Variants in EXOC6 observed in about 807,000 individuals in gnomAD.
EXOC6 encodes SEC15-like 1.
In EXOC6, 60 loss-of-function variants were observed where a neutral mutation model predicts 112.5. The ratio of observed to expected loss-of-function variants is 0.53; its 90% CI spans 0.43 to 0.66. EXOC6 has a LOEUF of 0.66. Ranked by LOEUF, EXOC6 falls within the 30% of genes least tolerant of loss-of-function variation. The pLI is 0.00. For synonymous variants in EXOC6, 295 were observed against 308.0 expected (o/e 0.96, Z 0.44); for missense variants, 855 against 957.1 (o/e 0.89, Z 1.41).
In EXOC6 at chr10:92,938,031, T is replaced by C. The variant is rs937876889; in HGVS notation, c.1212+2146T>C. ...AAGCAAGACTTTTTTTCAATATAGG[T>C]AGCAGCATCAATTTGTATTCTGGTG... is the stretch of plus-strand genomic sequence containing the variant. On this transcript the variant is annotated intron_variant, in intron 12 of 21. Transcript: ENST00000260762. Among the ~76,000 whole-genome samples the C allele has an allele frequency of 2.6e-5, 4 of 152,140 alleles. No individual in the cohort carries two copies. In the East Asian group the frequency reaches 7.7e-4, roughly 29 times the overall value.
chr10:92,919,461 A>G (rs529725682), intron 7 of EXOC6, among the ~76,000 whole-genome samples: 1 of 152,296 alleles, frequency 6.6e-6, no homozygotes, highest in South Asian at 2.1e-4. Context: ...ACATTTCAGA[A>G]TATAGGATAC....
At chr10:93,024,701 A>T (rs1158538553) in intron 20 of EXOC6, among the ~76,000 whole-genome samples, 1 of 152,174 alleles carries the variant, frequency 6.6e-6, no homozygotes, top group Admixed American at 6.5e-5. Context: ...TACAGGTGTA[A>T]GCCACCGTGC....
At chr10:92,848,750 C>G in intron 1 of EXOC6, 116 bp downstream of exon 1, 1 of 855,520 alleles carries the variant, frequency 1.2e-6, no homozygotes, top group Non-Finnish European at 1.5e-6. Flanking sequence ...AGGTGGTGCG[C>G]GCGGGGGCGG....
At chr10:92,895,244 G>A (rs996826204) in intron 4 of EXOC6, among the ~76,000 whole-genome samples, 18 of 152,270 alleles carry the variant, frequency 1.2e-4, no homozygotes, top group Non-Finnish European at 2.9e-5. Context: ...TCCTAGAACA[G>A]CAACTTCTAC....
At chr10:92,857,823 ATCAAATGG>A (rs986618822) in intron 1 of EXOC6, among the ~76,000 whole-genome samples, 5 of 151,650 alleles carry the variant, frequency 3.3e-5, no homozygotes, top group Non-Finnish European at 5.9e-5. Flanking sequence ...TCTGTGTGTG[ATCAAATGG>A]TCATCTGAGT....
At chr10:93,011,561 CA>C (rs1844249041) in intron 19 of EXOC6, among the ~76,000 whole-genome samples, 1 of 151,754 alleles carries the variant, frequency 6.6e-6, no homozygotes. Context: ...CATGCCCAGC[CA>C]AAAAAAGTAT....
At chr10:92,973,573 C>A (rs1386417334) in intron 17 of EXOC6, among the ~76,000 whole-genome samples, 1 of 152,202 alleles carries the variant, frequency 6.6e-6, no homozygotes, top group Non-Finnish European at 1.5e-5. Flanking sequence ...TCTTTCTTCT[C>A]AGAGAAATTA....
At chr10:92,905,588 T>C (rs1202629465) in intron 5 of EXOC6, among the ~76,000 whole-genome samples, 1 of 152,080 alleles carries the variant, frequency 6.6e-6, no homozygotes, top group Non-Finnish European at 1.5e-5. Context: ...TTTATTTCAT[T>C]AGCTACTGCT....
intron 19 of EXOC6, among the ~76,000 whole-genome samples, chr10:93,006,236 A>G (rs1018656269): frequency 6.6e-6 from 1 of 152,174 alleles, no homozygotes; most frequent in Non-Finnish European, 1.5e-5. Context: ...TTTAGCGACT[A>G]TGACCTCTAA....
chr10:92,861,682 T>G (rs962781858), intron 1 of EXOC6, among the ~76,000 whole-genome samples: 1 of 152,048 alleles, frequency 6.6e-6, no homozygotes, highest in African/African-American at 2.4e-5. Flanking sequence ...TCACCTGAAC[T>G]GGTGGTTGGG....
At chr10:92,930,240 C>T (rs546710759) in intron 9 of EXOC6, among the ~76,000 whole-genome samples, 12 of 152,302 alleles carry the variant, frequency 7.9e-5, no homozygotes, top group African/African-American at 2.4e-4. Flanking sequence ...CAGTGGCTCA[C>T]GCCTGTAATC....
chr10:92,963,532 ATTT>A (rs5787026), intron 17 of EXOC6, among the ~76,000 whole-genome samples: 2 of 141,362 alleles, frequency 1.4e-5, no homozygotes, highest in Non-Finnish European at 1.5e-5. Context: ...ATAAAGAGCA[ATTT>A]TTTTTTTTTT....
rs1216998130 is a variant in EXOC6, at chr10:92,926,528, T to TA, written c.889-1800dup. On this transcript the variant is annotated intron_variant, in intron 8 of 21. Transcript: ENST00000260762. Reference sequence around the variant, plus strand: ...AAGGAATCTGAGGAGAAAAGAAAAATAAAAAAAAAAAGAAAGAAAAAAAGA... The same window carrying TA: ...AAGGAATCTGAGGAGAAAAGAAAAATAAAAAAAAAAAAGAAAGAAAAAAAGA... Among the ~76,000 whole-genome samples the TA allele has an allele frequency of 2.0e-3, 273 of 137,102 alleles. 1 individual carries two copies. The highest frequency in any genetic ancestry group is 2.6e-3 in the Non-Finnish European group (163 of 62,654). 89.9% of individuals were successfully genotyped at this position (137,102 alleles called of 152,430 possible). A position where few individuals can be genotyped will look rare whatever the true frequency, so the allele number is the denominator to read the frequency against.
intron 1 of EXOC6, among the ~76,000 whole-genome samples, chr10:92,835,399 A>T (rs1394603274): frequency 6.6e-6 from 1 of 152,250 alleles, no homozygotes; most frequent in Non-Finnish European, 1.5e-5. Flanking sequence ...CAGTTCAAGA[A>T]CAGGATTAAA....
chr10:93,055,752 G>A (rs989790225), intron 20 of EXOC6, among the ~76,000 whole-genome samples: 2 of 152,076 alleles, frequency 1.3e-5, no homozygotes, highest in Non-Finnish European at 2.9e-5. Flanking sequence ...AAAATAGAGT[G>A]GCTTTCCATA....
Position 92,894,952 on chromosome 10 carries a change from T to A in EXOC6, c.344T>A (p.Ile115Asn). The A allele has an allele frequency of 1.2e-6, 2 of 1,612,330 alleles. No individual in the cohort carries two copies. Among genetic ancestry groups the A allele is most frequent in the Non-Finnish European group, 1.7e-6 (2 of 1,178,568 alleles). The change falls in exon 4 of 22, where the codon ATC (isoleucine) becomes AAC (asparagine). Residue 115 changes from isoleucine to asparagine, a missense_variant. Coordinates refer to ENST00000260762, the MANE Select transcript of EXOC6 (RefSeq NM_019053.6). Reference sequence around the variant, plus strand: ...AAGGTGATAGTCCACACAGAAGATATCATTCGATGTAGAATTCAGCAGAGA... The same window carrying A: ...AAGGTGATAGTCCACACAGAAGATAACATTCGATGTAGAATTCAGCAGAGA... ...GKEVIVHTED[I>N]IRCRIQQRNI...
intron 20 of EXOC6, among the ~76,000 whole-genome samples, chr10:93,038,705 A>C (rs1170798496): frequency 6.6e-6 from 1 of 152,220 alleles, no homozygotes; most frequent in Non-Finnish European, 1.5e-5. Context: ...CAGAAGAGAC[A>C]CAGTTCTTAA....
intron 17 of EXOC6, among the ~76,000 whole-genome samples, chr10:92,961,422 T>C (rs1853994541): frequency 6.6e-6 from 1 of 152,190 alleles, no homozygotes; most frequent in African/African-American, 2.4e-5. Context: ...TGCTTACAGC[T>C]GATTTAATAC....
At position 92,875,545 on chromosome 10, in the gene EXOC6, A is replaced by C. The variant is rs980811050; in HGVS notation, c.102-17804A>C. Among the ~76,000 whole-genome samples the C allele has an allele frequency of 2.0e-5, 3 of 152,198 alleles. No homozygotes were observed. The East Asian group carries it at 5.8e-4, about 29-fold the overall frequency. On this transcript the variant is annotated intron_variant, in intron 1 of 21. Coordinates refer to ENST00000260762, the MANE Select transcript of EXOC6 (RefSeq NM_019053.6). ...TTTCATACATATCTCATGAATTCCT[A>C]CTGTGTTACATAACAGAATGCCATG...
Sources: allele counts gnomAD v4.1 joint callset (sites outside exome capture counted in the v4.1 genomes callset), GRCh38; gene constraint gnomAD v4.1.1; transcripts MANE v1.5; gene names NCBI Gene and HGNC (gene_info 2026-07-23, HGNC 2026-07-21).